KIAA0825: variants seen among roughly 807,000 people sequenced by gnomAD.
The protein encoded by KIAA0825 is uncharacterized protein KIAA0825.
A neutral mutation model predicts 147.6 loss-of-function variants in KIAA0825; 119 were observed. The observed-to-expected ratio is 0.81, with a 90% confidence interval of 0.69 to 0.94. The LOEUF is 0.94. Ranked by LOEUF, KIAA0825 falls within the 40% of genes least tolerant of loss-of-function variation. The pLI is 0.00. For synonymous variants in KIAA0825, 470 were observed against 518.1 expected (o/e 0.91, Z 1.26); for missense variants, 1,381 against 1,472.7 (o/e 0.94, Z 1.02).
chr5:94,519,150 C>T (rs1049509192), intron 5 of KIAA0825: 1 of 822,502 alleles, frequency 1.2e-6, no homozygotes, highest in Non-Finnish European at 1.5e-6. Flanking sequence ...GATATAGCTT[C>T]TGGAGGAAAA....
intron 20 of KIAA0825, among the ~76,000 whole-genome samples, chr5:94,339,531 A>G (rs1299030577): frequency 6.6e-6 from 1 of 152,186 alleles, no homozygotes; most frequent in Non-Finnish European, 1.5e-5. Context: ...CTGTAGCGTC[A>G]ACGCATTTTT....
intron 20 of KIAA0825, among the ~76,000 whole-genome samples, chr5:94,338,627 T>G (rs944965951): frequency 7.2e-5 from 11 of 152,208 alleles, no homozygotes; most frequent in African/African-American, 2.7e-4. Flanking sequence ...AATACCACTT[T>G]GTTACAATTG....
intron 20 of KIAA0825, among the ~76,000 whole-genome samples, chr5:94,365,995 G>A (rs1745799267): frequency 6.6e-6 from 1 of 152,018 alleles, no homozygotes; most frequent in Non-Finnish European, 1.5e-5. Context: ...GGCTCATATG[G>A]TCTTGTAGCC....
intron 6 of KIAA0825, 136 bp from the exon 7 acceptor site, chr5:94,477,341 C>T: frequency 1.9e-6 from 1 of 513,898 alleles, no homozygotes; most frequent in Non-Finnish European, 3.5e-6. Context: ...TATACACATC[C>T]ACAAATAACA....
At chr5:94,488,165 C>T (rs927953087) in intron 5 of KIAA0825, among the ~76,000 whole-genome samples, 5 of 152,126 alleles carry the variant, frequency 3.3e-5, no homozygotes, top group Non-Finnish European at 5.9e-5. Context: ...CAGAGTGCTG[C>T]GATTACAGGC....
chr5:94,555,386 T>C (rs9314117), intron 2 of KIAA0825, among the ~76,000 whole-genome samples: 46,497 of 152,038 alleles, frequency 0.31, 7,512 homozygotes, highest in Non-Finnish European at 0.37. Context: ...TAGACTGCTA[T>C]GCTTTCTGCT....
chr5:94,583,164 G>A (rs1337335799), intron 1 of KIAA0825, among the ~76,000 whole-genome samples: 1 of 152,184 alleles, frequency 6.6e-6, no homozygotes, highest in East Asian at 1.9e-4. Context: ...ATCTCACTGG[G>A]ACTGGTTGGA....
At chr5:94,384,715 C>G (rs1276317034) in intron 19 of KIAA0825, among the ~76,000 whole-genome samples, 2 of 152,062 alleles carry the variant, frequency 1.3e-5, no homozygotes, top group African/African-American at 4.8e-5. Context: ...CGTTATTCTT[C>G]CAAGTGTTAA....
rs1442969928 is a variant in KIAA0825 at position 94,296,494 on chromosome 5, CCACT to C, written c.3710+87870_3710+87873del. On this transcript the variant is annotated intron_variant, in intron 20 of 20. Coordinates refer to ENST00000682413, the MANE Select transcript of KIAA0825 (RefSeq NM_001145678.3). ...GCTAGCTCGGTGTCTGCCCAAGTGG[CCACT>C]CAGTTTTGTGCTTGAATCCCAGGGC... Among the ~76,000 whole-genome samples the C allele has an allele frequency of 7.2e-5, 11 of 152,250 alleles. No homozygotes were observed. The South Asian group carries it at 2.1e-3, about 29-fold the overall frequency.
intron 2 of KIAA0825, among the ~76,000 whole-genome samples, chr5:94,548,857 G>T (rs971603160): frequency 6.6e-6 from 1 of 151,852 alleles, no homozygotes; most frequent in African/African-American, 2.4e-5. Context: ...ATGATAAAGG[G>T]GTCAATTCAC....
chr5:94,337,898 G>A (rs1781975704), intron 20 of KIAA0825, among the ~76,000 whole-genome samples: 1 of 152,164 alleles, frequency 6.6e-6, no homozygotes, highest in Non-Finnish European at 1.5e-5. Flanking sequence ...AATTAGATTT[G>A]TTCTTGCAGA....
intron 20 of KIAA0825, among the ~76,000 whole-genome samples, chr5:94,183,433 T>G (rs1277023102): frequency 6.6e-6 from 1 of 152,158 alleles, no homozygotes; most frequent in Non-Finnish European, 1.5e-5. Flanking sequence ...ATAAAAGAGC[T>G]TCTAAGACCC....
intron 20 of KIAA0825, among the ~76,000 whole-genome samples, chr5:94,320,265 T>C (rs1253917621): frequency 1.3e-5 from 2 of 152,032 alleles, no homozygotes; most frequent in African/African-American, 2.4e-5. Context: ...GCATAGAATA[T>C]GTAATGATCA....
At chr5:94,287,736 G>C (rs536431289) in intron 20 of KIAA0825, among the ~76,000 whole-genome samples, 2 of 152,072 alleles carry the variant, frequency 1.3e-5, no homozygotes, top group African/African-American at 2.4e-5. Context: ...CCCATTCATA[G>C]AATTTCTAGA....
intron 18 of KIAA0825, among the ~76,000 whole-genome samples, chr5:94,387,322 C>A (rs566163847): frequency 6.6e-6 from 1 of 152,260 alleles, no homozygotes; most frequent in African/African-American, 2.4e-5. Context: ...GGCACTGGAT[C>A]AGCTGAGTTA....
At chr5:94,461,876 G>T (rs1468322548) in intron 12 of KIAA0825, among the ~76,000 whole-genome samples, 2 of 151,842 alleles carry the variant, frequency 1.3e-5, no homozygotes, top group African/African-American at 4.8e-5. Context: ...GATTTGAATT[G>T]AATTAACCAG....
At chr5:94,487,875 G>GC (rs1471548616) in intron 5 of KIAA0825, among the ~76,000 whole-genome samples, 1 of 152,132 alleles carries the variant, frequency 6.6e-6, no homozygotes, top group Non-Finnish European at 1.5e-5. Flanking sequence ...GATCACCTGA[G>GC]CCCGGAAAGT....
chr5:94,160,058 A>G (rs1415840778), intron 20 of KIAA0825, among the ~76,000 whole-genome samples: 1 of 152,168 alleles, frequency 6.6e-6, no homozygotes, highest in Non-Finnish European at 1.5e-5. Flanking sequence ...TCTCTCCTCC[A>G]CATTGCACAG....
chr5:94,373,074 C>T (rs906521599), intron 20 of KIAA0825, among the ~76,000 whole-genome samples: 5 of 152,314 alleles, frequency 3.3e-5, no homozygotes, highest in East Asian at 1.9e-4. Context: ...CTTCATTGTC[C>T]GTATCACTAC....
Sources: gnomAD v4.1 joint callset for allele counts (sites outside exome capture counted in the v4.1 genomes callset) on GRCh38, gnomAD v4.1.1 for gene constraint, MANE v1.5 for transcripts, NCBI Gene and HGNC (gene_info 2026-07-23, HGNC 2026-07-21) for gene names.